ARHGAP18: variants seen among roughly 807,000 people sequenced by gnomAD.
The protein encoded by ARHGAP18 is Rho GTPase activating protein 18.
A neutral mutation model predicts 86.2 loss-of-function variants in ARHGAP18; 67 were observed. That is an observed-to-expected ratio of 0.78 (90% CI 0.64 to 0.95). The LOEUF (loss-of-function observed/expected upper bound fraction) is 0.95, where lower values mean the gene tolerates loss of function less well. Ranked by LOEUF, ARHGAP18 falls within the 40% of genes least tolerant of loss-of-function variation. ARHGAP18 has a pLI of 0.00. For missense variants in ARHGAP18, 691 were observed against 780.4 expected (o/e 0.89, Z 1.37); for synonymous variants, 283 against 280.4 (o/e 1.01, Z -0.09).
chr6:129,644,086 T>C (rs545746486), intron 1 of ARHGAP18, among the ~76,000 whole-genome samples: 1 of 152,296 alleles, frequency 6.6e-6, no homozygotes, highest in South Asian at 2.1e-4. Context: ...AGTAGCAACC[T>C]TGGGGTGGCG....
chr6:129,587,599 G>A (rs1788421552), intron 12 of ARHGAP18, among the ~76,000 whole-genome samples: 1 of 152,124 alleles, frequency 6.6e-6, no homozygotes, highest in Non-Finnish European at 1.5e-5. Context: ...CAGGACAGCA[G>A]GAGAGAGAAA....
At chr6:129,611,450 G>T in intron 8 of ARHGAP18, 83 bp downstream of exon 8, 1 of 1,129,414 alleles carries the variant, frequency 8.9e-7, no homozygotes, top group Non-Finnish European at 1.3e-6. Flanking sequence ...GGAAAAAAGG[G>T]GTAGAGAGGA....
At chr6:129,664,416 T>A (rs1774004698) in intron 1 of ARHGAP18, among the ~76,000 whole-genome samples, 1 of 152,178 alleles carries the variant, frequency 6.6e-6, no homozygotes, top group African/African-American at 2.4e-5. Flanking sequence ...TAAGGTTTTT[T>A]TTTTTCAACT....
At chr6:129,617,172 G>A (rs1292284066) in intron 6 of ARHGAP18, among the ~76,000 whole-genome samples, 1 of 152,044 alleles carries the variant, frequency 6.6e-6, no homozygotes, top group Non-Finnish European at 1.5e-5. Context: ...AAAAAATGAT[G>A]GTAATAATTT....
intron 1 of ARHGAP18, among the ~76,000 whole-genome samples, chr6:129,684,468 GTGC>G (rs1364820941): frequency 1.3e-5 from 2 of 152,134 alleles, no homozygotes; most frequent in Non-Finnish European, 2.9e-5. Flanking sequence ...CTCCTCTTTT[GTGC>G]TGCTATTTTT....
rs1315804180 is a variant in ARHGAP18 at position 129,577,091 on chromosome 6, A to C, written c.*1422T>G. The C allele has an allele frequency of 6.6e-6, 1 of 152,206 alleles. No individual in the cohort carries two copies. The highest frequency in any genetic ancestry group is 2.4e-5 in the African/African-American group (1 of 41,460). The allele number at this position is 152,206 out of a possible 1,614,324, so 9.4% of individuals were successfully genotyped here. A position where few individuals can be genotyped will look rare whatever the true frequency, so the allele number is the denominator to read the frequency against. On this transcript the variant is annotated 3_prime_UTR_variant, in exon 15 of 15. Transcript: ENST00000368149. ...GGATTAAAAGTAATGATTCCAAGAG[A>C]AGATAATTTAGAAAAAGGCATTTAA...
chr6:129,709,993 T>G, intron 1 of ARHGAP18, 31 bp downstream of exon 1: 2 of 1,553,096 alleles, frequency 1.3e-6, no homozygotes, highest in Non-Finnish European at 8.9e-7. Context: ...GTAAGAGGGT[T>G]TTGTTTTGTT....
chr6:129,625,073 AAT>A lies in ARHGAP18; in HGVS notation c.786+4278_786+4279del, dbSNP rs1295505318. Among the ~76,000 whole-genome samples the A allele has an allele frequency of 1.4e-3, 111 of 78,322 alleles. 12 individuals carry two copies. The highest frequency in any genetic ancestry group is 4.2e-3 in the African/African-American group (98 of 23,392). 51.4% of individuals were successfully genotyped at this position (78,322 alleles called of 152,430 possible). A position where few individuals can be genotyped will look rare whatever the true frequency, so the allele number is the denominator to read the frequency against. On this transcript the variant is annotated intron_variant, in intron 5 of 14. Transcript: ENST00000368149. ...ATATGATTGATATATATTTATATATAATATATATGATATATGATATATGATAT... is the reference window on the plus strand; with the variant it reads ...ATATGATTGATATATATTTATATATAATATATGATATATGATATATGATAT...
rs74709720 is a variant in ARHGAP18, at chr6:129,676,207, T to C, written c.113+33817A>G. ...ATGCAGTTGGTCAGTATTCCTTTAA[T>C]AGATGGGAAAGTAGTAATCTGTAGC... is the stretch of plus-strand genomic sequence containing the variant. On this transcript the variant is annotated intron_variant, in intron 1 of 14. Coordinates refer to ENST00000368149, the MANE Select transcript of ARHGAP18 (RefSeq NM_033515.3). Among the ~76,000 whole-genome samples, 201 of 152,312 alleles carry C rather than the reference T, an allele frequency of 1.3e-3. 6 individuals carry two copies. The East Asian group carries it at 0.035, about 26-fold the overall frequency.
At chr6:129,646,422 T>G (rs1425755174) in intron 1 of ARHGAP18, among the ~76,000 whole-genome samples, 1 of 152,150 alleles carries the variant, frequency 6.6e-6, no homozygotes, top group African/African-American at 2.4e-5. Flanking sequence ...GAATCACATA[T>G]CCTCTAGAAT....
At chr6:129,669,782 C>CA (rs58032097) in intron 1 of ARHGAP18, among the ~76,000 whole-genome samples, 8,768 of 138,792 alleles carry the variant, frequency 0.063, 294 homozygotes, top group Admixed American at 0.087. Flanking sequence ...TGAAACGTCT[C>CA]AAAAAAAAAA....
chr6:129,577,032 A>T lies in ARHGAP18; in HGVS notation c.*1481T>A, dbSNP rs1788190707. On this transcript the variant is annotated 3_prime_UTR_variant, in exon 15 of 15. Transcript: ENST00000368149. ...CAAAAAAGTCCATTTCTCAATATTA[A>T]TAAAAAAAAAGCAAAAATACTCATA... 2 of 138,024 alleles carry T rather than the reference A, an allele frequency of 1.4e-5. No homozygotes were observed. The highest frequency in any genetic ancestry group is 1.4e-4 in the Admixed American group (2 of 14,052). The allele number at this position is 138,024 out of a possible 1,614,324, so 8.5% of individuals were successfully genotyped here. A position where few individuals can be genotyped will look rare whatever the true frequency, so the allele number is the denominator to read the frequency against.
rs1231451987 is a variant in ARHGAP18, at chr6:129,580,106, C to G, written c.1864G>C (p.Gly622Arg). 6.2e-7 allele frequency: 1 copy of G among 1,613,610 alleles called. No homozygotes were observed. The highest frequency in any genetic ancestry group is 1.7e-5 in the Admixed American group (1 of 59,960). ...ESGVAQTLKKGEVFLYEIGGN... is the reference protein window; with the variant it reads ...ESGVAQTLKKREVFLYEIGGN... ...CCAATTTCATACAAAAAAACTTCTCCTTTCTTGAGAGTCTGGGCAACCCCA... is the reference window on the plus strand; with the variant it reads ...CCAATTTCATACAAAAAAACTTCTCGTTTCTTGAGAGTCTGGGCAACCCCA... Residue 622 changes from glycine to arginine, a missense_variant, in exon 14 of 15, where the codon GGA becomes CGA. Transcript: ENST00000368149.
At chr6:129,695,948 T>G (rs1476042) in intron 1 of ARHGAP18, among the ~76,000 whole-genome samples, 105,412 of 151,910 alleles carry the variant, frequency 0.69, 37,273 homozygotes, top group Non-Finnish European at 0.77. Context: ...AGCAAATAGA[T>G]TTTAGTAATA....
intron 1 of ARHGAP18, among the ~76,000 whole-genome samples, chr6:129,656,988 A>T (rs1010435831): frequency 2.0e-5 from 3 of 152,228 alleles, no homozygotes; most frequent in African/African-American, 7.2e-5. Flanking sequence ...TGAAGTACAC[A>T]TTCTTATTGA....
At chr6:129,665,308 C>A (rs9398914) in intron 1 of ARHGAP18, among the ~76,000 whole-genome samples, 1 of 151,946 alleles carries the variant, frequency 6.6e-6, no homozygotes, top group Non-Finnish European at 1.5e-5. Context: ...ACTTTGGGAG[C>A]CTGAGGCGGG....
At chr6:129,653,436 G>A (rs921404366) in intron 1 of ARHGAP18, among the ~76,000 whole-genome samples, 1 of 152,180 alleles carries the variant, frequency 6.6e-6, no homozygotes, top group Non-Finnish European at 1.5e-5. Flanking sequence ...TGCTCCACTG[G>A]TAAGTATAGA....
In ARHGAP18 at chr6:129,608,062, A is replaced by G; in HGVS notation, c.1123-10T>C. ...GTTCTTGGCAAAGATTCTGATAGGC[A>G]CGAAAAAAAAAAAAAAAAAAAAAAG... On this transcript the variant is annotated splice_polypyrimidine_tract_variant and intron_variant, in intron 8 of 14. Coordinates refer to ENST00000368149, the MANE Select transcript of ARHGAP18 (RefSeq NM_033515.3). 1 of 1,025,376 alleles carries G rather than the reference A, an allele frequency of 9.8e-7. No individual in the cohort carries two copies. Among genetic ancestry groups the G allele is most frequent in the Non-Finnish European group, 1.3e-6 (1 of 773,054 alleles). 63.5% of individuals were successfully genotyped at this position (1,025,376 alleles called of 1,614,324 possible).
intron 3 of ARHGAP18, among the ~76,000 whole-genome samples, chr6:129,634,352 C>T (rs1773288602): frequency 6.6e-6 from 1 of 151,950 alleles, no homozygotes; most frequent in South Asian, 2.1e-4. Flanking sequence ...CGAGTGGGTC[C>T]CTGTCATCAA....
Sources: allele counts gnomAD v4.1 joint callset (sites outside exome capture counted in the v4.1 genomes callset), GRCh38; gene constraint gnomAD v4.1.1; transcripts MANE v1.5; gene names NCBI Gene and HGNC (gene_info 2026-07-23, HGNC 2026-07-21).